Variants in DDX10 observed in about 807,000 individuals in gnomAD.
DDX10 encodes the protein probable ATP-dependent RNA helicase DDX10.
A neutral mutation model predicts 104.3 loss-of-function variants in DDX10; 74 were observed. The ratio of observed to expected loss-of-function variants is 0.71; its 90% confidence interval spans 0.59 to 0.86. DDX10 has a LOEUF of 0.86. DDX10 is among the 40% of genes least tolerant of loss of function. The pLI is 0.00. For synonymous variants in DDX10, 351 were observed against 353.4 expected, an observed-to-expected ratio of 0.99 and a Z score of 0.08; for missense variants, 952 against 1,040.0, an observed-to-expected ratio of 0.92 and a Z score of 1.16.
chr11:108,759,038 A>G (rs1369280194), intron 13 of DDX10, among the ~76,000 whole-genome samples: 1 of 152,038 alleles, frequency 6.6e-6, no homozygotes, highest in African/African-American at 2.4e-5. Flanking sequence ...TATCTATGCT[A>G]ATGAAAATAC....
intron 15 of DDX10, among the ~76,000 whole-genome samples, chr11:108,845,348 G>C (rs1425127399): frequency 1.3e-5 from 2 of 152,212 alleles, no homozygotes; most frequent in Non-Finnish European, 2.9e-5. Context: ...TGCTTTACTT[G>C]AACACATTGT....
chr11:108,801,307 G>A (rs942338146), intron 13 of DDX10, among the ~76,000 whole-genome samples: 1 of 152,182 alleles, frequency 6.6e-6, no homozygotes, highest in Non-Finnish European at 1.5e-5. Flanking sequence ...AACTGCCATA[G>A]AATCAGCTAG....
chr11:108,734,207 G>C (rs2094315696), intron 13 of DDX10, among the ~76,000 whole-genome samples: 1 of 152,016 alleles, frequency 6.6e-6, no homozygotes, highest in African/African-American at 2.4e-5. Flanking sequence ...ATGTTCAGTT[G>C]ACTTAAACAG....
intron 13 of DDX10, among the ~76,000 whole-genome samples, chr11:108,746,611 A>G (rs1298263516): frequency 5.9e-5 from 9 of 152,150 alleles, no homozygotes; most frequent in Admixed American, 2.0e-4. Context: ...CTGTATGCCT[A>G]TATTTTAGAA....
chr11:108,938,044 G>A (rs1864058764), intron 17 of DDX10, among the ~76,000 whole-genome samples: 2 of 152,054 alleles, frequency 1.3e-5, no homozygotes, highest in Admixed American at 6.6e-5. Context: ...GTCATCTCAG[G>A]GACCTCCTTA....
Position 108,918,302 on chromosome 11 carries a change from T to C in DDX10, c.2450+284T>C, listed in dbSNP as rs1035465545. 183 of 401,130 alleles carry C rather than the reference T, an allele frequency of 4.6e-4. 1 individual carries two copies. In the East Asian group the frequency reaches 6.6e-3, roughly 14 times the overall value. The allele number at this position is 401,130 out of a possible 1,614,324, so 24.8% of individuals were successfully genotyped here. A position where few individuals can be genotyped will look rare whatever the true frequency, so the allele number is the denominator to read the frequency against. Reference sequence around the variant, plus strand: ...TTTCCTTTCTCTATTCTTTTTTTTTTTTTCTTATCTTTCTCTGAGTCCTTT... The same window carrying C: ...TTTCCTTTCTCTATTCTTTTTTTTTCTTTCTTATCTTTCTCTGAGTCCTTT... On this transcript the variant is annotated intron_variant, in intron 17 of 17. Coordinates refer to ENST00000322536, the MANE Select transcript of DDX10 (RefSeq NM_004398.4).
chr11:108,915,595 T>C (rs562364235), intron 16 of DDX10, among the ~76,000 whole-genome samples: 1 of 152,280 alleles, frequency 6.6e-6, no homozygotes, highest in Admixed American at 6.5e-5. Context: ...AAGTAACCAA[T>C]GTATGATGTT....
intron 13 of DDX10, among the ~76,000 whole-genome samples, chr11:108,796,147 G>A (rs904604157): frequency 1.3e-5 from 2 of 152,106 alleles, no homozygotes; most frequent in Non-Finnish European, 2.9e-5. Context: ...ATGATCCGTT[G>A]TGATTCTCTC....
chr11:108,785,285 T>TG (rs1861775066), intron 13 of DDX10, among the ~76,000 whole-genome samples: 2 of 152,288 alleles, frequency 1.3e-5, no homozygotes, highest in South Asian at 4.1e-4. Context: ...CCTGTTTTAT[T>TG]GTGGTGAGTG....
chr11:108,917,570 A>G (rs1214568720), intron 16 of DDX10, among the ~76,000 whole-genome samples: 1 of 152,060 alleles, frequency 6.6e-6, no homozygotes, highest in Admixed American at 6.6e-5. Context: ...CCTGGCTTTT[A>G]TTTCTTTGAT....
chr11:108,839,828 C>T (rs1471803260), intron 14 of DDX10, among the ~76,000 whole-genome samples: 1 of 152,138 alleles, frequency 6.6e-6, no homozygotes, highest in Non-Finnish European at 1.5e-5. Flanking sequence ...CTAGAATAGT[C>T]ATATGACATC....
In DDX10 at chr11:108,677,149, C is replaced by T. The variant is rs2094226608; in HGVS notation, c.443C>T (p.Ser148Leu). 2 of 1,613,678 alleles carry T rather than the reference C, an allele frequency of 1.2e-6. No individual in the cohort carries two copies. Among genetic ancestry groups the T allele is most frequent in the African/African-American group, 1.3e-5 (1 of 74,838 alleles). Residue 148 changes from serine (S) to leucine (L), a missense_variant, in exon 4 of 18, where the codon TCA (serine) becomes TTA (leucine). Around this residue, in one of 3 missense-constraint regions of DDX10, gnomAD observed 412 missense variants for 479.2 expected, o/e 0.86. Coordinates refer to ENST00000322536, the MANE Select transcript of DDX10 (RefSeq NM_004398.4). Reference sequence around the variant, plus strand: ...GATGGGCTGGGGGTTCTCATAATATCACCTACGAGAGAACTGGCCTATCAG... The same window carrying T: ...GATGGGCTGGGGGTTCTCATAATATTACCTACGAGAGAACTGGCCTATCAG... Reference protein sequence around the residue: ...STDGLGVLIISPTRELAYQTF... With the variant: ...STDGLGVLIILPTRELAYQTF...
In DDX10 at chr11:108,727,146, ATGACT is replaced by A. The variant is rs1322521094; in HGVS notation, c.1965+3690_1965+3694del. On this transcript the variant is annotated intron_variant, in intron 13 of 17. Coordinates refer to ENST00000322536, the MANE Select transcript of DDX10 (RefSeq NM_004398.4). ...TGGTTTGCAGTTTTCTTTTTTTGCG[ATGACT>A]TGACTGGGAATATGACACATTTTGA... Among the ~76,000 whole-genome samples, 3 of 152,050 alleles carry A rather than the reference ATGACT, an allele frequency of 2.0e-5. No individual in the cohort carries two copies. The East Asian group carries it at 5.8e-4, about 29-fold the overall frequency.
chr11:108,938,077 C>T (rs573971702), intron 17 of DDX10, among the ~76,000 whole-genome samples: 148 of 152,314 alleles, frequency 9.7e-4, no homozygotes, highest in Admixed American at 2.0e-3. Context: ...TAGTGGAGAA[C>T]ACTAATTTCA....
At chr11:108,699,001 T>C (rs1365334044) in intron 9 of DDX10, among the ~76,000 whole-genome samples, 1 of 152,238 alleles carries the variant, frequency 6.6e-6, no homozygotes, top group African/African-American at 2.4e-5. Context: ...TTAACCCTGC[T>C]TGACATTCCT....
At chr11:108,926,769 G>A (rs1475101543) in intron 17 of DDX10, among the ~76,000 whole-genome samples, 2 of 152,134 alleles carry the variant, frequency 1.3e-5, no homozygotes, top group Admixed American at 6.5e-5. Flanking sequence ...ATGGTAAGGG[G>A]AAAAGTCTCT....
chr11:108,771,566 C>T (rs976817815), intron 13 of DDX10, among the ~76,000 whole-genome samples: 5 of 152,054 alleles, frequency 3.3e-5, no homozygotes, highest in African/African-American at 1.2e-4. Context: ...AGGATGGTCT[C>T]GATCTCCTGA....
At chr11:108,673,118 G>T (rs11603815) in intron 1 of DDX10, among the ~76,000 whole-genome samples, 18,570 of 152,208 alleles carry the variant, frequency 0.12, 1,537 homozygotes, top group East Asian at 0.27. Flanking sequence ...CTTAAATTGA[G>T]ATCCCTTGAA....
chr11:108,753,252 C>G (rs979319934), intron 13 of DDX10, among the ~76,000 whole-genome samples: 13 of 152,166 alleles, frequency 8.5e-5, no homozygotes, highest in Middle Eastern at 3.4e-3. Flanking sequence ...GAATGCTTAT[C>G]CTTGGTTGGA....
Sources: allele counts gnomAD v4.1 joint callset (sites outside exome capture counted in the v4.1 genomes callset), GRCh38; gene constraint gnomAD v4.1.1; regional missense constraint gnomAD v4.1.1; transcripts MANE v1.5; gene names NCBI Gene and HGNC (gene_info 2026-07-23, HGNC 2026-07-21).